Variants in DAPK1 observed in about 807,000 individuals in gnomAD.
The protein encoded by DAPK1 is death-associated protein kinase 1.
In DAPK1, 56 loss-of-function variants were observed where a neutral mutation model predicts 144.9. That is an observed-to-expected ratio of 0.39 (90% CI 0.31 to 0.48). The LOEUF (loss-of-function observed/expected upper bound fraction) is 0.48, where lower values mean the gene tolerates loss of function less well. Ranked by LOEUF, DAPK1 falls within the 20% of genes least tolerant of loss-of-function variation. DAPK1 has a pLI of 0.95. For synonymous variants in DAPK1, 690 were observed against 749.0 expected, an observed-to-expected ratio of 0.92 and a Z score of 1.29; for missense variants, 1,454 against 1,875.4, an observed-to-expected ratio of 0.78 and a Z score of 4.15.
chr9:87,702,510 C>G (rs545897098), intron 24 of DAPK1, among the ~76,000 whole-genome samples: 2 of 151,792 alleles, frequency 1.3e-5, no homozygotes, highest in South Asian at 4.2e-4. Flanking sequence ...GAAACAGTCA[C>G]GAGAGAGAGA....
At chr9:87,655,193 C>T (rs1019726379) in intron 17 of DAPK1, among the ~76,000 whole-genome samples, 3 of 152,204 alleles carry the variant, frequency 2.0e-5, no homozygotes, top group African/African-American at 4.8e-5. Flanking sequence ...ACCCGTAATT[C>T]AGAGCCCATC....
At chr9:87,665,637 C>G (rs1172429212) in intron 18 of DAPK1, among the ~76,000 whole-genome samples, 1 of 152,224 alleles carries the variant, frequency 6.6e-6, no homozygotes, top group African/African-American at 2.4e-5. Flanking sequence ...CGTCAATAAG[C>G]AGCATGTCTG....
intron 2 of DAPK1, among the ~76,000 whole-genome samples, chr9:87,543,828 AGTCTT>A (rs1235151196): frequency 6.6e-6 from 1 of 152,098 alleles, no homozygotes; most frequent in Non-Finnish European, 1.5e-5. Flanking sequence ...TTGTTTTTGT[AGTCTT>A]GTGTGTTTGG....
intron 2 of DAPK1, among the ~76,000 whole-genome samples, chr9:87,603,548 T>C (rs150519787): frequency 2.6e-5 from 4 of 152,360 alleles, no homozygotes; most frequent in African/African-American, 9.6e-5. Flanking sequence ...TGAGTAACGT[T>C]TTAAAGTATC....
intron 2 of DAPK1, among the ~76,000 whole-genome samples, chr9:87,520,133 CAT>C (rs762325085): frequency 2.0e-5 from 3 of 152,100 alleles, no homozygotes; most frequent in Non-Finnish European, 4.4e-5. Flanking sequence ...AAAGGTGTAT[CAT>C]GTGTTCTAAT....
At position 87,569,721 on chromosome 9, in the gene DAPK1, C is replaced by T. The variant is rs545234484; in HGVS notation, c.63-35233C>T. ...TGCCTTTTGGTTAAACCCAGGCTTTCCCTACGAGAGGTCTTCCAGTCCATT... is the reference window on the plus strand; with the variant it reads ...TGCCTTTTGGTTAAACCCAGGCTTTTCCTACGAGAGGTCTTCCAGTCCATT... On this transcript the variant is annotated intron_variant, in intron 2 of 25. Transcript: ENST00000408954. Among the ~76,000 whole-genome samples, 3 of 152,192 alleles carry T rather than the reference C, an allele frequency of 2.0e-5. No homozygotes were observed. In the South Asian group the frequency reaches 6.2e-4, roughly 32 times the overall value.
chr9:87,499,518 A>C (rs1824316663), intron 2 of DAPK1, among the ~76,000 whole-genome samples: 1 of 151,862 alleles, frequency 6.6e-6, no homozygotes, highest in South Asian at 2.1e-4. Flanking sequence ...GTACAAACTA[A>C]TTAATAGGTT....
chr9:87,527,894 C>G (rs1453625559), intron 2 of DAPK1, among the ~76,000 whole-genome samples: 1 of 152,180 alleles, frequency 6.6e-6, no homozygotes, highest in Non-Finnish European at 1.5e-5. Flanking sequence ...ACCTTGTCTG[C>G]GAACAATTGT....
At chr9:87,520,393 C>T (rs1276619222) in intron 2 of DAPK1, among the ~76,000 whole-genome samples, 1 of 152,148 alleles carries the variant, frequency 6.6e-6, no homozygotes, top group East Asian at 1.9e-4. Flanking sequence ...GAGCCAAGTC[C>T]TCCCTGTTCA....
chr9:87,610,881 C>T lies in DAPK1; in HGVS notation c.284+5706C>T, dbSNP rs62576182. Among the ~76,000 whole-genome samples, 1,389 of 152,270 alleles carry T rather than the reference C, an allele frequency of 9.1e-3. 4 individuals carry two copies. Among genetic ancestry groups the T allele is most frequent in the Non-Finnish European group, 0.015 (1,042 of 68,030 alleles). On this transcript the variant is annotated intron_variant, in intron 3 of 25. Coordinates refer to ENST00000408954, the MANE Select transcript of DAPK1 (RefSeq NM_004938.4). Reference sequence around the variant, plus strand: ...ATTGGCAGTCAGTTCATAGTATTCACGAACAGACAAAATAAAACATCTGAA... The same window carrying T: ...ATTGGCAGTCAGTTCATAGTATTCATGAACAGACAAAATAAAACATCTGAA...
chr9:87,634,754 C>T (rs1428500917), intron 3 of DAPK1, among the ~76,000 whole-genome samples: 1 of 152,164 alleles, frequency 6.6e-6, no homozygotes, highest in African/African-American at 2.4e-5. Flanking sequence ...CGCTGCAGTG[C>T]CTGTCCCTCC....
intron 2 of DAPK1, among the ~76,000 whole-genome samples, chr9:87,601,005 C>G (rs1046317817): frequency 1.3e-5 from 2 of 152,164 alleles, no homozygotes; most frequent in African/African-American, 4.8e-5. Flanking sequence ...AAAGTAAACA[C>G]ACAAGCTGTT....
At chr9:87,664,476 C>T (rs1395078839) in intron 18 of DAPK1, among the ~76,000 whole-genome samples, 4 of 152,184 alleles carry the variant, frequency 2.6e-5, no homozygotes, top group Admixed American at 6.5e-5. Flanking sequence ...GGGAAGACTC[C>T]GTGGCACCCA....
At chr9:87,649,806 C>G in intron 15 of DAPK1, 115 bp from the exon 16 acceptor site, 1 of 906,300 alleles carries the variant, frequency 1.1e-6, no homozygotes, top group Admixed American at 1.9e-5. Context: ...TGAGCTCTTT[C>G]CCTCTGCTGC....
At chr9:87,648,591 C>A in intron 14 of DAPK1, 190 bp from the exon 15 acceptor site, 1 of 581,094 alleles carries the variant, frequency 1.7e-6, no homozygotes, top group Non-Finnish European at 3.1e-6. Flanking sequence ...GCTTAATACT[C>A]ACTGTGTGGT....
At chr9:87,549,376 T>C (rs914760281) in intron 2 of DAPK1, among the ~76,000 whole-genome samples, 2 of 152,226 alleles carry the variant, frequency 1.3e-5, no homozygotes, top group Non-Finnish European at 2.9e-5. Flanking sequence ...GTCTTTGCTA[T>C]TGTGAATAGT....
intron 2 of DAPK1, 154 bp downstream of exon 2, chr9:87,499,293 G>A (rs762445304): frequency 1.2e-4 from 86 of 700,966 alleles, no homozygotes; most frequent in Non-Finnish European, 1.8e-4. Flanking sequence ...TAACCCAGCG[G>A]TAAACCGCCT....
intron 2 of DAPK1, chr9:87,499,358 G>A (rs1824312659): frequency 1.8e-6 from 1 of 560,310 alleles, no homozygotes; most frequent in South Asian, 2.4e-5. Flanking sequence ...AGATTATGAT[G>A]CACAGTATAT....
intron 2 of DAPK1, among the ~76,000 whole-genome samples, chr9:87,582,845 G>A (rs7874970): frequency 0.023 from 3,463 of 152,006 alleles, 127 homozygotes; most frequent in African/African-American, 0.077. Flanking sequence ...GAGCCACCGC[G>A]CCCAGCCAGT....
Sources: allele counts gnomAD v4.1 joint callset (sites outside exome capture counted in the v4.1 genomes callset), GRCh38; gene constraint gnomAD v4.1.1; transcripts MANE v1.5; gene names NCBI Gene and HGNC (gene_info 2026-07-23, HGNC 2026-07-21).